Variants in SGMS1 observed in about 807,000 individuals in gnomAD.
SGMS1 encodes sphingomyelin synthase 1.
SGMS1 carries 13 observed loss-of-function variants against 46.2 expected under a neutral mutation model. That is an observed-to-expected ratio of 0.28 (90% CI 0.18 to 0.45). The LOEUF is 0.45. Ranked by LOEUF, SGMS1 falls within the 20% of genes least tolerant of loss-of-function variation. The probability of loss-of-function intolerance (pLI) is 1.00; values close to 1 mark genes in which losing one functional copy is unlikely to be tolerated. For missense variants in SGMS1, 324 were observed against 519.9 expected (o/e 0.62, Z 3.66); for synonymous variants, 203 against 187.8 (o/e 1.08, Z -0.66).
upstream of SGMS1, chr10:50,624,782 C>T: frequency 1.0e-6 from 1 of 986,358 alleles, no homozygotes; most frequent in South Asian, 4.6e-5. Flanking sequence ...GAGAGCTGGC[C>T]TTCCCGCCCC....
intron 6 of SGMS1, among the ~76,000 whole-genome samples, chr10:50,398,324 C>G (rs1329113123): frequency 6.6e-6 from 1 of 152,032 alleles, no homozygotes; most frequent in African/African-American, 2.4e-5. Context: ...AAAATATGAT[C>G]ATATCATCAG....
At chr10:50,503,292 C>T (rs1235217937) in intron 3 of SGMS1, among the ~76,000 whole-genome samples, 1 of 152,182 alleles carries the variant, frequency 6.6e-6, no homozygotes, top group Admixed American at 6.5e-5. Flanking sequence ...TGATTAGGAA[C>T]ACGCTAATTG....
chr10:50,385,503 C>A (rs184898770), intron 6 of SGMS1, among the ~76,000 whole-genome samples: 2 of 152,096 alleles, frequency 1.3e-5, no homozygotes, highest in Non-Finnish European at 2.9e-5. Context: ...AATCAAGTTA[C>A]CATAAAGGTT....
intron 3 of SGMS1, among the ~76,000 whole-genome samples, chr10:50,502,635 C>G (rs1001006462): frequency 1.5e-4 from 23 of 152,068 alleles, no homozygotes; most frequent in African/African-American, 5.6e-4. Flanking sequence ...TGTGCAGATA[C>G]AAAATTTTGT....
intron 6 of SGMS1, among the ~76,000 whole-genome samples, chr10:50,421,993 AG>A (rs1371263146): frequency 1.3e-5 from 2 of 152,114 alleles, no homozygotes; most frequent in Non-Finnish European, 2.9e-5. Flanking sequence ...CATTCTTTTT[AG>A]TACATATCCC....
intron 3 of SGMS1, among the ~76,000 whole-genome samples, chr10:50,487,525 T>A (rs941342673): frequency 7.9e-5 from 12 of 152,340 alleles, no homozygotes; most frequent in African/African-American, 2.6e-4. Flanking sequence ...ACTTTCTGTA[T>A]AATTTTTATA....
rs182384624 is a variant in SGMS1 at position 50,601,168 on chromosome 10, C to G, written c.-683-10921G>C. On this transcript the variant is annotated intron_variant, in intron 1 of 10. Transcript: ENST00000361781. ...CAAGTGATAGGGGCTCGAGAATGAGCTAATAAAAAGAGGTAAAATGAACTT... is the reference window on the plus strand; with the variant it reads ...CAAGTGATAGGGGCTCGAGAATGAGGTAATAAAAAGAGGTAAAATGAACTT... Among the ~76,000 whole-genome samples, 353 of 152,120 alleles carry G rather than the reference C, an allele frequency of 2.3e-3. 2 individuals carry two copies. Among genetic ancestry groups the G allele is most frequent in the South Asian group, 6.9e-3 (33 of 4,812 alleles).
At chr10:50,399,783 C>T (rs991319085) in intron 6 of SGMS1, among the ~76,000 whole-genome samples, 1 of 152,108 alleles carries the variant, frequency 6.6e-6, no homozygotes, top group African/African-American at 2.4e-5. Context: ...AATCCCAGCA[C>T]TTTGGGAGGC....
intron 3 of SGMS1, among the ~76,000 whole-genome samples, chr10:50,491,983 TTCA>T (rs1229866194): frequency 2.0e-5 from 3 of 152,208 alleles, no homozygotes; most frequent in Non-Finnish European, 4.4e-5. Context: ...TCAAGTATAC[TTCA>T]TCCCTGGGAT....
At chr10:50,405,548 C>T (rs1849001084) in intron 6 of SGMS1, among the ~76,000 whole-genome samples, 1 of 152,110 alleles carries the variant, frequency 6.6e-6, no homozygotes, top group Non-Finnish European at 1.5e-5. Flanking sequence ...TGGAAAACAA[C>T]TGAGAAGAAA....
chr10:50,621,736 TGTATC>T (rs1476501587), intron 1 of SGMS1, among the ~76,000 whole-genome samples: 1 of 152,194 alleles, frequency 6.6e-6, no homozygotes, highest in Non-Finnish European at 1.5e-5. Flanking sequence ...GTTGCAGAAA[TGTATC>T]TTATTATTTT....
chr10:50,597,672 G>A (rs969871029), intron 1 of SGMS1, among the ~76,000 whole-genome samples: 11 of 152,116 alleles, frequency 7.2e-5, no homozygotes, highest in Non-Finnish European at 1.3e-4. Context: ...AAATTGTTCC[G>A]TATGCTGTTT....
chr10:50,370,326 G>A (rs1589410814), intron 6 of SGMS1, among the ~76,000 whole-genome samples: 1 of 151,492 alleles, frequency 6.6e-6, no homozygotes, highest in South Asian at 2.1e-4. Context: ...ATAACACTTA[G>A]CTTAAAACAC....
chr10:50,426,633 T>C (rs1458200542), intron 6 of SGMS1, among the ~76,000 whole-genome samples: 1 of 152,132 alleles, frequency 6.6e-6, no homozygotes, highest in Non-Finnish European at 1.5e-5. Flanking sequence ...AAATTAACCC[T>C]GTGCCTTTTG....
intron 2 of SGMS1, among the ~76,000 whole-genome samples, chr10:50,533,278 T>C (rs1837971415): frequency 6.6e-6 from 1 of 152,158 alleles, no homozygotes; most frequent in South Asian, 2.1e-4. Flanking sequence ...TTAGGTTTAC[T>C]TTTTTTGTTT....
intron 6 of SGMS1, among the ~76,000 whole-genome samples, chr10:50,348,035 T>G (rs111254286): frequency 6.6e-6 from 1 of 151,948 alleles, no homozygotes; most frequent in Non-Finnish European, 1.5e-5. Context: ...CCTTTCCCCC[T>G]ACCCTATGAC....
intron 1 of SGMS1, among the ~76,000 whole-genome samples, chr10:50,614,037 T>C (rs1838774200): frequency 6.6e-6 from 1 of 152,176 alleles, no homozygotes; most frequent in East Asian, 1.9e-4. Context: ...TGTCAGGTTA[T>C]GTATCTCAAT....
chr10:50,568,633 G>C (rs1009870346), intron 2 of SGMS1, among the ~76,000 whole-genome samples: 3 of 152,198 alleles, frequency 2.0e-5, no homozygotes, highest in African/African-American at 4.8e-5. Flanking sequence ...TGAGTCCAGG[G>C]TTCCAGAAGA....
chr10:50,503,109 T>C (rs1837675740), intron 3 of SGMS1, among the ~76,000 whole-genome samples: 1 of 152,222 alleles, frequency 6.6e-6, no homozygotes, highest in Non-Finnish European at 1.5e-5. Flanking sequence ...CTTAAAGACA[T>C]GTGAACTCTA....
Sources: allele counts gnomAD v4.1 joint callset (sites outside exome capture counted in the v4.1 genomes callset), GRCh38; gene constraint gnomAD v4.1.1; transcripts MANE v1.5; gene names NCBI Gene and HGNC (gene_info 2026-07-23, HGNC 2026-07-21).